PRDM15: variants seen among roughly 807,000 people sequenced by gnomAD.
The protein encoded by PRDM15 is PR domain zinc finger protein 15.
A neutral mutation model predicts 128.6 loss-of-function variants in PRDM15; 64 were observed. The ratio of observed to expected loss-of-function variants is 0.50; its 90% confidence interval spans 0.41 to 0.61. The LOEUF is 0.61. Among genes scored for constraint, PRDM15 ranks in the 20% least tolerant of loss-of-function variants. The probability of loss-of-function intolerance (pLI) is 0.00; values close to 1 mark genes in which losing one functional copy is unlikely to be tolerated. For missense variants in PRDM15, 1,242 were observed against 1,569.1 expected (o/e 0.79, Z 3.52); for synonymous variants, 615 against 621.8 (o/e 0.99, Z 0.16).
chr21:41,823,705 A>G (rs546776927), intron 13 of PRDM15, among the ~76,000 whole-genome samples: 2 of 152,354 alleles, frequency 1.3e-5, no homozygotes, highest in African/African-American at 2.4e-5. Flanking sequence ...CTTTATTATA[A>G]ATGTTAGTTC....
Position 41,820,147 on chromosome 21 carries a change from C to T in PRDM15, c.2088G>A (p.Gly696=). Residue 696 remains glycine (G), a synonymous_variant, in exon 17 of 24, where the codon GGG becomes GGA. Coordinates refer to ENST00000398548, the MANE Select transcript of PRDM15 (RefSeq NM_001040424.3). ...QKYIHPCEIC[G]RIFNSIGNLE... is the part of the protein sequence containing the mutation. ...GGTTCCCGATGCTGTTGAAGATCCG[C>T]CCGCAGATCTCGCAGGGGTGGATGT... 1.2e-6 allele frequency: 2 copies of T among 1,613,860 alleles called. No homozygotes were observed. The highest frequency in any genetic ancestry group is 2.2e-5 in the East Asian group (1 of 44,862).
chr21:41,814,575 A>G (rs2061978172), intron 19 of PRDM15: 1 of 132,922 alleles, frequency 7.5e-6, no homozygotes, highest in African/African-American at 2.9e-5. Flanking sequence ...AGCGTGCTCT[A>G]GTGTTTTATG....
Position 41,854,247 on chromosome 21 carries a change from A to G in PRDM15, c.538+319T>C, listed in dbSNP as rs2063510879. ...GGGTGTGTAGCAGGCCAGGCCATCA[A>G]GGTGCGCGAGAGTGCGCTCTACCAT... On this transcript the variant is annotated intron_variant, in intron 5 of 23. Transcript: ENST00000398548. This position sits in a 1 kb window ranked among gnomAD's most constrained non-coding sequence, Gnocchi z 4.6. 6.6e-6 allele frequency among the ~76,000 whole-genome samples: 1 copy of G among 152,188 alleles called. No individual in the cohort carries two copies. The highest frequency in any genetic ancestry group is 1.5e-5 in the Non-Finnish European group (1 of 68,024).
In PRDM15 at chr21:41,836,474, A is replaced by G; in HGVS notation, c.1177T>C (p.Ser393Pro). ...CCGGGCCTCGCGGACTCACCATGCG[A>G]GCGCACGTGCCTGCTCAGGTTGCTG... The part of the protein sequence containing the change: ...NSSNLSRHVR[S>P]HGDKLFKCEE... The change falls in exon 9 of 24, where the codon TCG (serine) becomes CCG (proline). Residue 393 changes from serine to proline, a missense_variant. Transcript: ENST00000398548. The G allele has an allele frequency of 6.2e-7, 1 of 1,609,590 alleles. No homozygotes were observed. Among genetic ancestry groups the G allele is most frequent in the Non-Finnish European group, 8.5e-7 (1 of 1,177,982 alleles).
At chr21:41,869,325 G>C (rs1208907700) in intron 1 of PRDM15, among the ~76,000 whole-genome samples, 1 of 152,150 alleles carries the variant, frequency 6.6e-6, no homozygotes, top group Non-Finnish European at 1.5e-5. Context: ...CTGTCGCCCA[G>C]GCTAGAGTGC....
chr21:41,867,420 T>G (rs745725555), intron 1 of PRDM15: 15 of 1,395,032 alleles, frequency 1.1e-5, no homozygotes, highest in Non-Finnish European at 1.5e-5. Flanking sequence ...TCTACACACT[T>G]CAGCAGAACA....
At chr21:41,861,157 G>A (rs1048497667) in intron 1 of PRDM15, among the ~76,000 whole-genome samples, 22 of 152,130 alleles carry the variant, frequency 1.4e-4, no homozygotes, top group African/African-American at 4.8e-4. Flanking sequence ...TTAAAAAGCC[G>A]GTTGTCACTT....
intron 18 of PRDM15, among the ~76,000 whole-genome samples, chr21:41,816,919 C>A (rs907559985): frequency 2.0e-5 from 3 of 148,898 alleles, no homozygotes; most frequent in Non-Finnish European, 3.0e-5. Context: ...GAGTGCCGGT[C>A]ACTGCTGACA....
At chr21:41,808,763 C>T (rs543332031) in intron 21 of PRDM15, among the ~76,000 whole-genome samples, 5 of 152,134 alleles carry the variant, frequency 3.3e-5, no homozygotes, top group African/African-American at 1.2e-4. Flanking sequence ...CTTTCACGTA[C>T]GTAATGAGCA....
At chr21:41,802,689 A>G (rs772822467) in intron 23 of PRDM15, 23 bp downstream of exon 23, 1 of 1,606,452 alleles carries the variant, frequency 6.2e-7, no homozygotes, top group Non-Finnish European at 8.5e-7. Flanking sequence ...GCACCTAATC[A>G]GAACATAAAG....
chr21:41,877,040 C>G (rs531699338), intron 1 of PRDM15, among the ~76,000 whole-genome samples: 95 of 152,312 alleles, frequency 6.2e-4, no homozygotes, highest in African/African-American at 2.1e-3. Context: ...GCCACACTGG[C>G]CTGTCCCATC....
At chr21:41,814,671 T>A (rs1473020960) in intron 19 of PRDM15, 1 of 153,530 alleles carries the variant, frequency 6.5e-6, no homozygotes, top group Non-Finnish European at 1.4e-5. Context: ...GGTGCTCTAG[T>A]GTTTTATGAG....
At chr21:41,852,016 G>A (rs544217790) in intron 5 of PRDM15, among the ~76,000 whole-genome samples, 1 of 152,332 alleles carries the variant, frequency 6.6e-6, no homozygotes, top group South Asian at 2.1e-4. Context: ...AGGTTTTAGG[G>A]AGGAATGGGA....
intron 13 of PRDM15, among the ~76,000 whole-genome samples, chr21:41,825,107 C>T (rs1188370392): frequency 6.6e-6 from 1 of 152,256 alleles, no homozygotes; most frequent in Non-Finnish European, 1.5e-5. Context: ...AGAACCCTTA[C>T]TCTGCAGCAT....
In PRDM15 at chr21:41,826,071, C is replaced by A. The variant is rs764247283; in HGVS notation, c.1535-17G>T. 1 of 1,604,894 alleles carries A rather than the reference C, an allele frequency of 6.2e-7. No homozygotes were observed. Among genetic ancestry groups the A allele is most frequent in the Admixed American group, 1.7e-5 (1 of 59,994 alleles). ...GCCGCACTCCTGAAATTGCCAACCC[C>A]ACCAGCAAGACAGTGAATACACATA... On this transcript the variant is annotated splice_polypyrimidine_tract_variant and intron_variant, in intron 12 of 23. Coordinates refer to ENST00000398548, the MANE Select transcript of PRDM15 (RefSeq NM_001040424.3).
rs780795038 is a variant in PRDM15 at position 41,859,165 on chromosome 21, G to A, written c.131+427C>T. ...GCTGCTGTGGGTCAGCCCTGTCCCT[G>A]TCCTCATAACCCCGCATCCCCTGCC... On this transcript the variant is annotated intron_variant, in intron 3 of 23. Transcript: ENST00000398548. The surrounding 1 kb of genome is among the most constrained non-coding windows in gnomAD (Gnocchi z 5.3). 4 of 1,613,968 alleles carry A rather than the reference G, an allele frequency of 2.5e-6. No individual in the cohort carries two copies. In the South Asian group the frequency reaches 3.3e-5, roughly 13 times the overall value.
At chr21:41,807,170 A>C (rs866455213) in intron 21 of PRDM15, among the ~76,000 whole-genome samples, 3 of 152,248 alleles carry the variant, frequency 2.0e-5, no homozygotes, top group South Asian at 2.1e-4. Context: ...TAGAAGCATT[A>C]GCTTCACTCT....
intron 11 of PRDM15, among the ~76,000 whole-genome samples, chr21:41,829,510 TCA>T (rs1247424756): frequency 2.0e-5 from 3 of 148,422 alleles, no homozygotes; most frequent in African/African-American, 5.0e-5. Flanking sequence ...ATTCAACACA[TCA>T]CACACATATA....
chr21:41,819,539 G>A (rs776905363), intron 18 of PRDM15, 43 bp downstream of exon 18: 5 of 1,594,046 alleles, frequency 3.1e-6, no homozygotes, highest in Non-Finnish European at 3.4e-6. Context: ...GCAGCAGGGT[G>A]GCCTGGCTGA....
Sources: allele counts gnomAD v4.1 joint callset (sites outside exome capture counted in the v4.1 genomes callset), GRCh38; gene constraint gnomAD v4.1.1; non-coding constraint Gnocchi (gnomAD v3.1); transcripts MANE v1.5; gene names NCBI Gene and HGNC (gene_info 2026-07-23, HGNC 2026-07-21).